The following PTPRD variants were observed in gnomAD, a reference collection of about 807,000 sequenced individuals.
The protein encoded by PTPRD is protein tyrosine phosphatase receptor type D, also known as receptor-type tyrosine-protein phosphatase delta.
In PTPRD, 34 loss-of-function variants were observed where a neutral mutation model predicts 214.5. That is an observed-to-expected ratio of 0.16 (90% CI 0.12 to 0.21). The LOEUF is 0.21. Ranked by LOEUF, PTPRD falls within the 10% of genes least tolerant of loss-of-function variation. PTPRD has a pLI of 1.00. For missense variants in PTPRD, 2,545 were observed against 2,398.7 expected, an observed-to-expected ratio of 1.06 and a Z score of -1.27; for synonymous variants, 1,128 against 845.7, an observed-to-expected ratio of 1.33 and a Z score of -5.79.
intron 2 of PTPRD, among the ~76,000 whole-genome samples, chr9:10,582,776 C>T (rs1485591118): frequency 1.3e-5 from 2 of 152,132 alleles, no homozygotes; most frequent in East Asian, 3.9e-4. Context: ...ACTACACACA[C>T]CATTGAGATA....
chr9:10,367,699 T>C (rs2097540180), intron 2 of PTPRD, among the ~76,000 whole-genome samples: 1 of 152,140 alleles, frequency 6.6e-6, no homozygotes, highest in African/African-American at 2.4e-5. Context: ...GATGCCTTTC[T>C]TTACTACTCC....
intron 8 of PTPRD, among the ~76,000 whole-genome samples, chr9:9,484,466 G>C (rs1022330381): frequency 2.0e-5 from 3 of 152,142 alleles, no homozygotes; most frequent in African/African-American, 7.2e-5. Flanking sequence ...ATCTTGATCT[G>C]GAGGTGGCTA....
At position 8,613,996 on chromosome 9, in the gene PTPRD, T is replaced by C. The variant is rs76599413; in HGVS notation, c.352+19321A>G. Among the ~76,000 whole-genome samples, 566 of 152,166 alleles carry C rather than the reference T, an allele frequency of 3.7e-3. 4 individuals carry two copies. Among genetic ancestry groups the C allele is most frequent in the East Asian group, 0.017 (87 of 5,160 alleles). ...TAGTAAAGTTGTGTCCTTCACATTA[T>C]GGTAAGTCTGGGAGGCTATTAGTGA... On this transcript the variant is annotated intron_variant, in intron 14 of 45. Transcript: ENST00000381196.
At chr9:8,406,803 A>T (rs76854939) in intron 35 of PTPRD, among the ~76,000 whole-genome samples, 4 of 152,078 alleles carry the variant, frequency 2.6e-5, no homozygotes, top group Non-Finnish European at 5.9e-5. Flanking sequence ...GTGATTAAGT[A>T]TGTGATCATG....
intron 12 of PTPRD, among the ~76,000 whole-genome samples, chr9:8,649,429 C>T (rs7041298): frequency 0.79 from 120,570 of 152,206 alleles, 48,149 homozygotes; most frequent in East Asian, 0.94. Context: ...CATCTATCAA[C>T]TGCACACTGG....
intron 9 of PTPRD, among the ~76,000 whole-genome samples, chr9:9,242,668 T>C (rs1167910092): frequency 1.3e-5 from 2 of 152,216 alleles, no homozygotes; most frequent in South Asian, 2.1e-4. Context: ...CACGTAGTTC[T>C]TGTGCCATGG....
intron 36 of PTPRD, among the ~76,000 whole-genome samples, chr9:8,401,936 C>A (rs2130280624): frequency 6.6e-6 from 1 of 152,230 alleles, no homozygotes; most frequent in African/African-American, 2.4e-5. Context: ...TGCATGAAGT[C>A]ACTTAATATT....
intron 4 of PTPRD, among the ~76,000 whole-genome samples, chr9:10,019,386 A>G (rs1206703296): frequency 6.6e-6 from 1 of 152,188 alleles, no homozygotes; most frequent in Non-Finnish European, 1.5e-5. Context: ...TTAGGGATCT[A>G]GAACTAGAAA....
In PTPRD at chr9:10,190,418, A is replaced by C. The variant is rs1430496550; in HGVS notation, c.-545+150545T>G. Among the ~76,000 whole-genome samples, 11 of 84,584 alleles carry C rather than the reference A, an allele frequency of 1.3e-4. No individual in the cohort carries two copies. In the East Asian group the frequency reaches 1.4e-3, roughly 11 times the overall value. 55.5% of individuals were successfully genotyped at this position (84,584 alleles called of 152,430 possible). ...AAAAAAAAAAAAAAAAAAAAAAAAAAAACAAAAAGTCAAAGTGGGCCAGGC... is the reference window on the plus strand; with the variant it reads ...AAAAAAAAAAAAAAAAAAAAAAAAACAACAAAAAGTCAAAGTGGGCCAGGC... On this transcript the variant is annotated intron_variant, in intron 3 of 45. Coordinates refer to ENST00000381196, the MANE Select transcript of PTPRD (RefSeq NM_002839.4).
chr9:9,605,637 G>A (rs942728272), intron 7 of PTPRD, among the ~76,000 whole-genome samples: 8 of 152,074 alleles, frequency 5.3e-5, no homozygotes, highest in Admixed American at 1.3e-4. Context: ...TGTGTTTTAG[G>A]TCATCAATAT....
chr9:8,750,777 G>C (rs954423834), intron 11 of PTPRD, among the ~76,000 whole-genome samples: 3 of 152,132 alleles, frequency 2.0e-5, no homozygotes, highest in African/African-American at 7.2e-5. Flanking sequence ...GTGGGCCCAG[G>C]TTGCACAGGG....
At chr9:9,441,531 G>C (rs1444394669) in intron 8 of PTPRD, among the ~76,000 whole-genome samples, 1 of 152,134 alleles carries the variant, frequency 6.6e-6, no homozygotes, top group Admixed American at 6.5e-5. Context: ...GGAGAAACTA[G>C]GTGATGAACT....
chr9:9,073,185 T>G (rs1591075590), intron 10 of PTPRD, among the ~76,000 whole-genome samples: 1 of 152,190 alleles, frequency 6.6e-6, no homozygotes, highest in African/African-American at 2.4e-5. Flanking sequence ...TAACTTGAAC[T>G]CAGATTCAAC....
At chr9:10,482,100 G>T (rs554491765) in intron 2 of PTPRD, among the ~76,000 whole-genome samples, 1 of 152,128 alleles carries the variant, frequency 6.6e-6, no homozygotes, top group South Asian at 2.1e-4. Context: ...GGCCGGGCGC[G>T]GTGGCTCACG....
intron 11 of PTPRD, among the ~76,000 whole-genome samples, chr9:8,740,583 C>G (rs2091663697): frequency 6.6e-6 from 1 of 152,090 alleles, no homozygotes; most frequent in African/African-American, 2.4e-5. Context: ...AAAACAACCA[C>G]AAACCAAGCA....
chr9:8,770,863 T>C (rs7020279), intron 11 of PTPRD, among the ~76,000 whole-genome samples: 1 of 152,070 alleles, frequency 6.6e-6, no homozygotes, highest in African/African-American at 2.4e-5. Context: ...GGAGTAAAAC[T>C]TCCCATTGCA....
At chr9:8,968,865 A>T (rs1406493896) in intron 11 of PTPRD, among the ~76,000 whole-genome samples, 3 of 152,112 alleles carry the variant, frequency 2.0e-5, no homozygotes, top group African/African-American at 7.2e-5. Context: ...TGGATTTTGT[A>T]AAATAAGAAT....
intron 3 of PTPRD, among the ~76,000 whole-genome samples, chr9:10,243,188 T>C (rs1308940638): frequency 6.6e-6 from 1 of 151,976 alleles, no homozygotes; most frequent in Non-Finnish European, 1.5e-5. Context: ...CTGTCTTGCT[T>C]ATTTCTATCT....
intron 11 of PTPRD, among the ~76,000 whole-genome samples, chr9:8,960,204 G>A (rs773471752): frequency 3.9e-5 from 6 of 151,986 alleles, no homozygotes; most frequent in African/African-American, 9.7e-5. Flanking sequence ...GAGTTTTGTC[G>A]TCAGGAACAG....
Sources: allele counts gnomAD v4.1 joint callset (sites outside exome capture counted in the v4.1 genomes callset), GRCh38; gene constraint gnomAD v4.1.1; transcripts MANE v1.5; gene names NCBI Gene and HGNC (gene_info 2026-07-23, HGNC 2026-07-21).